Variants in POLR1A observed in about 807,000 individuals in gnomAD.
POLR1A encodes the protein RNA polymerase I subunit A.
POLR1A carries 84 observed loss-of-function variants against 205.3 expected under a neutral mutation model. The observed-to-expected ratio is 0.41, with a 90% CI of 0.34 to 0.49. The LOEUF (loss-of-function observed/expected upper bound fraction) is 0.49. POLR1A is among the 20% of genes least tolerant of loss of function. POLR1A has a pLI of 0.22. For missense variants in POLR1A, 1,645 were observed against 2,204.5 expected, an observed-to-expected ratio of 0.75 and a Z score of 5.08; for synonymous variants, 799 against 863.7, an observed-to-expected ratio of 0.93 and a Z score of 1.31.
rs563314021 is a variant in POLR1A, at chr2:86,070,627, T to A, written c.1612-355A>T. On this transcript the variant is annotated intron_variant, in intron 12 of 33. Transcript: ENST00000263857. This position sits in a 1 kb window ranked among gnomAD's most constrained non-coding sequence, Gnocchi z 4.4. ...GAAATGGATACAACTCCTGAAGATA[T>A]AACCATAACAAAATGAAGACATAAC... Among the ~76,000 whole-genome samples, 2 of 152,148 alleles carry A rather than the reference T, an allele frequency of 1.3e-5. No homozygotes were observed. The highest frequency in any genetic ancestry group is 2.9e-5 in the Non-Finnish European group (2 of 68,012).
chr2:86,094,279 T>C (rs1404630107), intron 3 of POLR1A, among the ~76,000 whole-genome samples: 3 of 152,246 alleles, frequency 2.0e-5, no homozygotes, highest in Non-Finnish European at 4.4e-5. Context: ...TTCATTTATA[T>C]CAACATAAAA....
At chr2:86,046,851 G>C (rs1357987806) in intron 19 of POLR1A, among the ~76,000 whole-genome samples, 1 of 151,764 alleles carries the variant, frequency 6.6e-6, no homozygotes, top group Non-Finnish European at 1.5e-5. Flanking sequence ...AAGAAAGAAA[G>C]AAACAATCAT....
chr2:86,085,146 A>G (rs1265947654), intron 6 of POLR1A, among the ~76,000 whole-genome samples: 1 of 152,134 alleles, frequency 6.6e-6, no homozygotes, highest in East Asian at 1.9e-4. Flanking sequence ...TATTTTTAGT[A>G]GAGACGGGGT....
intron 6 of POLR1A, among the ~76,000 whole-genome samples, chr2:86,084,077 C>G (rs1673451827): frequency 6.6e-6 from 1 of 152,178 alleles, no homozygotes; most frequent in African/African-American, 2.4e-5. Context: ...ACCAGCCTGG[C>G]CAACACAGGG....
At chr2:86,053,066 C>T in intron 15 of POLR1A, 66 bp from the exon 16 acceptor site, 2 of 1,242,646 alleles carry the variant, frequency 1.6e-6, no homozygotes, top group Non-Finnish European at 2.2e-6. Flanking sequence ...CACCCACCCT[C>T]TACTCCATGT....
chr2:86,040,377 C>T lies in POLR1A; in HGVS notation c.3740+15G>A, dbSNP rs1672580371. The T allele has an allele frequency of 1.3e-6, 2 of 1,584,216 alleles. No homozygotes were observed. The highest frequency in any genetic ancestry group is 1.7e-6 in the Non-Finnish European group (2 of 1,164,610). ...CTAGGACAGACCCCACCCTGTGCTC[C>T]CTTGTGCCCCACACCTTGGAATGCC... On this transcript the variant is annotated intron_variant, in intron 25 of 33. Coordinates refer to ENST00000263857, the MANE Select transcript of POLR1A (RefSeq NM_015425.6).
intron 14 of POLR1A, among the ~76,000 whole-genome samples, chr2:86,055,253 T>A (rs1387156209): frequency 6.6e-6 from 1 of 151,134 alleles, no homozygotes; most frequent in African/African-American, 2.4e-5. Context: ...CAAGATCACA[T>A]CACTGCACTC....
Position 86,080,906 on chromosome 2 carries a change from C to G in POLR1A, c.996G>C (p.Met332Ile). The change falls in exon 9 of 34, where the codon ATG (methionine) becomes ATC (isoleucine). Residue 332 changes from methionine (M) to isoleucine (I), a missense_variant. Physicochemically the swap from Met to Ile is conservative, Grantham distance 10. Around this residue, in one of 16 missense-constraint regions of POLR1A, gnomAD observed 78 missense variants for 77.7 expected, o/e 1.00. Coordinates refer to ENST00000263857, the MANE Select transcript of POLR1A (RefSeq NM_015425.6). ...NGQTVNLQAVMKDVVLIRKLL... is the reference protein window; with the variant it reads ...NGQTVNLQAVIKDVVLIRKLL... The stretch of plus-strand genomic sequence containing the variant: ...GTTTTCGAATCAGAACTACATCCTT[C>G]ATGACAGCCTGCAAGTTCACCGTCT... 1.2e-6 allele frequency: 2 copies of G among 1,614,194 alleles called. No individual in the cohort carries two copies. Among genetic ancestry groups the G allele is most frequent in the East Asian group, 2.2e-5 (1 of 44,894 alleles).
At chr2:86,076,123 C>T (rs974615344) in intron 11 of POLR1A, among the ~76,000 whole-genome samples, 3 of 152,326 alleles carry the variant, frequency 2.0e-5, no homozygotes, top group South Asian at 2.1e-4. Context: ...GCCTGGGATA[C>T]GCTCCAAGTA....
intron 13 of POLR1A, among the ~76,000 whole-genome samples, chr2:86,068,394 G>C (rs938833100): frequency 2.6e-5 from 3 of 116,372 alleles, no homozygotes; most frequent in African/African-American, 9.6e-5. Context: ...GGCGGGGGGG[G>C]GGGGCGGGTG....
intron 11 of POLR1A, among the ~76,000 whole-genome samples, chr2:86,075,497 G>A (rs1041613203): frequency 6.6e-6 from 1 of 152,108 alleles, no homozygotes; most frequent in African/African-American, 2.4e-5. Flanking sequence ...TAATTTAAGC[G>A]CAGCAGTTTA....
In POLR1A at chr2:86,044,188, G is replaced by A. The variant is rs757594030; in HGVS notation, c.3086C>T (p.Thr1029Ile). The A allele has an allele frequency of 6.2e-7, 1 of 1,614,168 alleles. No homozygotes were observed. Among genetic ancestry groups the A allele is most frequent in the Non-Finnish European group, 8.5e-7 (1 of 1,180,022 alleles). ...GAACTGCTTGGGCTGCAGGAACTGT[G>A]TCTTGGGGATGTCCAGGCCATCCTC... Reference protein sequence around the residue: ...YGEDGLDIPKTQFLQPKQFPF... With the variant: ...YGEDGLDIPKIQFLQPKQFPF... Residue 1029 changes from threonine (T) to isoleucine (I), a missense_variant, in exon 22 of 34, where the codon ACA becomes ATA. Thr to Ile is a moderately conservative substitution (Grantham distance 89, BLOSUM62 -1). Around this residue, in one of 16 missense-constraint regions of POLR1A, gnomAD observed 201 missense variants for 222.3 expected, o/e 0.90. Transcript: ENST00000263857.
intron 14 of POLR1A, among the ~76,000 whole-genome samples, chr2:86,060,714 T>A (rs1573816820): frequency 6.6e-6 from 1 of 151,978 alleles, no homozygotes; most frequent in Non-Finnish European, 1.5e-5. Context: ...GACCCAAGTG[T>A]GAAAGGTAAA....
intron 27 of POLR1A, 60 bp downstream of exon 27, chr2:86,038,640 C>A: frequency 1.3e-6 from 2 of 1,542,068 alleles, no homozygotes; most frequent in Non-Finnish European, 8.9e-7. Flanking sequence ...GTGCTTCCTG[C>A]CCCAGTTCAA....
rs962869530 is a variant in POLR1A, at chr2:86,020,982, T to G, written c.*6441A>C. The G allele has an allele frequency of 5.3e-5, 8 of 152,244 alleles. No homozygotes were observed. The highest frequency in any genetic ancestry group is 1.9e-4 in the African/African-American group (8 of 41,474). The allele number at this position is 152,244 out of a possible 1,614,324, so 9.4% of individuals were successfully genotyped here. On this transcript the variant is annotated 3_prime_UTR_variant, in exon 34 of 34. Coordinates refer to ENST00000263857, the MANE Select transcript of POLR1A (RefSeq NM_015425.6). ...GCATTTCTTAGGGTCCCACTGTAAGTTGAGGGCTTGAGATTCCAAGAAAAG... is the reference window on the plus strand; with the variant it reads ...GCATTTCTTAGGGTCCCACTGTAAGGTGAGGGCTTGAGATTCCAAGAAAAG...
Position 86,031,465 on chromosome 2 carries a change from C to T in POLR1A, c.4443G>A (p.Thr1481=), listed in dbSNP as rs771491526. The T allele has an allele frequency of 9.9e-5, 159 of 1,614,020 alleles. No individual in the cohort carries two copies. The highest frequency in any genetic ancestry group is 1.3e-4 in the Non-Finnish European group (153 of 1,180,002). Residue 1481 remains threonine, a synonymous_variant, in exon 30 of 34, where the codon ACG becomes ACA. Coordinates refer to ENST00000263857, the MANE Select transcript of POLR1A (RefSeq NM_015425.6). ...EEDPSLPALL[T]QPRKPTHSQE... ...GGCTGTGGGTGGGTTTCCGGGGCTG[C>T]GTCAGGAGGGCGGGAAGGGACGGGT...
chr2:86,099,826 A>G, intron 2 of POLR1A, 142 bp downstream of exon 2: 2 of 665,186 alleles, frequency 3.0e-6, no homozygotes, highest in South Asian at 3.7e-5. Context: ...ATTTGGCTCA[A>G]AACTTCAAAA....
In POLR1A at chr2:86,039,318, A is replaced by G. The variant is rs1235690990; in HGVS notation, c.3876+9T>C. On this transcript the variant is annotated intron_variant, in intron 26 of 33. Coordinates refer to ENST00000263857, the MANE Select transcript of POLR1A (RefSeq NM_015425.6). ...ACCCCGTCTGCAACCTGGGAAGGAG[A>G]GACGTTACCTCCCCCAAGCACACCC... 1.9e-6 allele frequency: 3 copies of G among 1,613,512 alleles called. No individual in the cohort carries two copies. Among genetic ancestry groups the G allele is most frequent in the Non-Finnish European group, 2.5e-6 (3 of 1,179,914 alleles).
chr2:86,079,136 A>T (rs143881470), intron 9 of POLR1A, among the ~76,000 whole-genome samples: 2 of 152,204 alleles, frequency 1.3e-5, no homozygotes, highest in East Asian at 3.9e-4. Flanking sequence ...TGTTATGAAA[A>T]CCCAGTAGTG....
Sources: allele counts gnomAD v4.1 joint callset (sites outside exome capture counted in the v4.1 genomes callset), GRCh38; gene constraint gnomAD v4.1.1; regional missense constraint gnomAD v4.1.1; non-coding constraint Gnocchi (gnomAD v3.1); transcripts MANE v1.5; gene names NCBI Gene and HGNC (gene_info 2026-07-23, HGNC 2026-07-21).